The following TMC6 variants were observed in gnomAD, a reference collection of about 807,000 sequenced individuals.
TMC6 encodes transmembrane channel like 6.
Under a neutral mutation model 95.4 loss-of-function variants are expected in TMC6, and 71 were observed. The ratio of observed to expected loss-of-function variants is 0.74; its 90% CI spans 0.61 to 0.91. The LOEUF is 0.91. Among genes scored for constraint, TMC6 ranks in the 40% least tolerant of loss-of-function variants. The pLI, the probability that TMC6 is intolerant of heterozygous loss-of-function variation, is 0.00. For missense variants in TMC6, 1,074 were observed against 1,079.1 expected (o/e 1.00, Z 0.07); for synonymous variants, 514 against 483.1 (o/e 1.06, Z -0.84).
In TMC6 at chr17:78,120,549, C is replaced by G. The variant is rs1010803357; in HGVS notation, c.1715+104G>C. The G allele has an allele frequency of 3.3e-6, 5 of 1,526,348 alleles. No individual in the cohort carries two copies. In the African/African-American group the frequency reaches 6.8e-5, roughly 21 times the overall value. 94.6% of individuals were successfully genotyped at this position (1,526,348 alleles called of 1,614,324 possible). Reference sequence around the variant, plus strand: ...AGTCTTCCTCTGAAGGGTGGAGACACAGGGCCCTGATGGGAAAGGTCCAGG... The same window carrying G: ...AGTCTTCCTCTGAAGGGTGGAGACAGAGGGCCCTGATGGGAAAGGTCCAGG... On this transcript the variant is annotated intron_variant, in intron 13 of 19. Coordinates refer to ENST00000590602, the MANE Select transcript of TMC6 (RefSeq NM_001127198.5).
chr17:78,123,375 G>GTGGATGGGTGGA (rs1274027599), intron 9 of TMC6, among the ~76,000 whole-genome samples: 1 of 152,090 alleles, frequency 6.6e-6, no homozygotes, highest in East Asian at 1.9e-4. Flanking sequence ...AAATGTGTGG[G>GTGGATGGGTGGA]TGGATGGGTG....
At chr17:78,117,969 G>C in intron 15 of TMC6, 34 bp from the exon 16 acceptor site, 1 of 1,581,370 alleles carries the variant, frequency 6.3e-7, no homozygotes, top group Non-Finnish European at 8.6e-7. Flanking sequence ...CCACCATCCT[G>C]CTACCCCTCA....
chr17:78,123,997 C>G lies in TMC6; in HGVS notation c.1074G>C (p.Leu358=). ...GVSFFITCIT[L]VYSMAHSFGE... is the part of the protein sequence containing the mutation. Reference sequence around the variant, plus strand: ...TGAGGTGGAGGCATTACCTGTACACCAGGGTGATGCAGGTGATAAAGAAGC... The same window carrying G: ...TGAGGTGGAGGCATTACCTGTACACGAGGGTGATGCAGGTGATAAAGAAGC... The change falls in exon 9 of 20, where the codon CTG becomes CTC. Residue 358 remains leucine, a synonymous_variant. Coordinates refer to ENST00000590602, the MANE Select transcript of TMC6 (RefSeq NM_001127198.5). 1 of 1,613,760 alleles carries G rather than the reference C, an allele frequency of 6.2e-7. No homozygotes were observed.
chr17:78,109,877 A>C lies in TMC6; in HGVS notation c.*3271T>G, dbSNP rs2073790969. 2 of 287,822 alleles carry C rather than the reference A, an allele frequency of 6.9e-6. No individual in the cohort carries two copies. The highest frequency in any genetic ancestry group is 1.4e-5 in the Non-Finnish European group (2 of 145,878). 17.8% of individuals were successfully genotyped at this position (287,822 alleles called of 1,614,324 possible). On this transcript the variant is annotated 3_prime_UTR_variant, in exon 20 of 20. Transcript: ENST00000590602. The stretch of plus-strand genomic sequence containing the variant: ...AGGTCAGGAGTTCAAGACCAGCCTG[A>C]GCAACATGGAGAAACCCTGTCTCTA...
chr17:78,121,551 C>T lies in TMC6; in HGVS notation c.1383+5G>A, dbSNP rs1187013001. 6.2e-6 allele frequency: 10 copies of T among 1,610,988 alleles called. No homozygotes were observed. The highest frequency in any genetic ancestry group is 1.1e-5 in the South Asian group (1 of 91,002). On this transcript the variant is annotated splice_donor_5th_base_variant and intron_variant, in intron 11 of 19. Transcript: ENST00000590602. This position sits in a 1 kb window ranked among gnomAD's most constrained non-coding sequence, Gnocchi z 5.6. ...GCAAGGGCCAGGCTCCCCCCATCCC[C>T]GCACCTGGATCATGAACTCCGAGAA...
Position 78,126,889 on chromosome 17 carries a change from C to T in TMC6, c.-57G>A, listed in dbSNP as rs2074747358. The T allele has an allele frequency of 1.3e-6, 2 of 1,589,706 alleles. No homozygotes were observed. Among genetic ancestry groups the T allele is most frequent in the East Asian group, 2.3e-5 (1 of 43,662 alleles). The stretch of plus-strand genomic sequence containing the variant: ...CTAGGGTAGCTCAGAGCCTGGGCGC[C>T]ACCTCCGGAGCCCCCATCTGATGAG... On this transcript the variant is annotated 5_prime_UTR_variant, in exon 2 of 20. Coordinates refer to ENST00000590602, the MANE Select transcript of TMC6 (RefSeq NM_001127198.5).
Position 78,121,431 on chromosome 17 carries a change from C to T in TMC6, c.1383+125G>A, listed in dbSNP as rs973883934. Reference sequence around the variant, plus strand: ...GAGGGGGCCCCAGCACGGGGCACAGCGTACGTGGCACCCTGGGCTGGCTGG... The same window carrying T: ...GAGGGGGCCCCAGCACGGGGCACAGTGTACGTGGCACCCTGGGCTGGCTGG... On this transcript the variant is annotated intron_variant, in intron 11 of 19. Coordinates refer to ENST00000590602, the MANE Select transcript of TMC6 (RefSeq NM_001127198.5). The surrounding 1 kb of genome is among the most constrained non-coding windows in gnomAD (Gnocchi z 5.6). 8.0e-6 allele frequency: 12 copies of T among 1,507,458 alleles called. No individual in the cohort carries two copies. Among genetic ancestry groups the T allele is most frequent in the Admixed American group, 5.8e-5 (3 of 52,056 alleles). The allele number at this position is 1,507,458 out of a possible 1,614,324, so 93.4% of individuals were successfully genotyped here. A position where few individuals can be genotyped will look rare whatever the true frequency, so the allele number is the denominator to read the frequency against.
intron 19 of TMC6, among the ~76,000 whole-genome samples, 159 bp from the exon 20 acceptor site, chr17:78,113,370 G>A (rs1275364712): frequency 6.6e-6 from 1 of 152,228 alleles, no homozygotes; most frequent in Non-Finnish European, 1.5e-5. Flanking sequence ...AGGCTCCGGA[G>A]GCCAGAGAAG....
At chr17:78,126,929 CCAGGGGTGGTCTT>C (rs1436644289) in intron 1 of TMC6, 23 bp from the exon 2 acceptor site, 2 of 1,436,658 alleles carry the variant, frequency 1.4e-6, no homozygotes, top group African/African-American at 2.8e-5. Context: ...GGGCACAGAG[CCAGGGGTGGTCTT>C]CAACGCCTGG....
At chr17:78,120,261 G>A (rs2074345808) in intron 13 of TMC6, 1 of 364,900 alleles carries the variant, frequency 2.7e-6, no homozygotes, top group East Asian at 7.3e-5. Flanking sequence ...CCAGGTTCAA[G>A]CGATTCTCAT....
chr17:78,116,276 C>CTTTTTT (rs34774395), intron 18 of TMC6, among the ~76,000 whole-genome samples: 1 of 125,456 alleles, frequency 8.0e-6, no homozygotes. Context: ...CATGCCCAGG[C>CTTTTTT]TTTTTTTTTT....
chr17:78,123,460 T>A (rs2074516694), intron 9 of TMC6, among the ~76,000 whole-genome samples: 1 of 150,726 alleles, frequency 6.6e-6, no homozygotes. Context: ...GATGGATGCG[T>A]GGATGAATGA....
chr17:78,128,387 G>A lies in TMC6; in HGVS notation c.-75+225C>T, dbSNP rs1042100918. 1.3e-5 allele frequency among the ~76,000 whole-genome samples: 2 copies of A among 152,050 alleles called. No individual in the cohort carries two copies. The highest frequency in any genetic ancestry group is 4.8e-5 in the African/African-American group (2 of 41,412). On this transcript the variant is annotated intron_variant, in intron 1 of 19. Coordinates refer to ENST00000590602, the MANE Select transcript of TMC6 (RefSeq NM_001127198.5). The surrounding 1 kb of genome is among the most constrained non-coding windows in gnomAD (Gnocchi z 4.0). ...CGCTCGGCTGGGGGACCTGGGTGGG[G>A]GCTGCGGATTTTGCTCCCCGCACTG...
intron 7 of TMC6, 33 bp downstream of exon 7, chr17:78,124,856 G>A (rs537261506): frequency 6.9e-6 from 11 of 1,583,232 alleles, no homozygotes; most frequent in South Asian, 2.3e-5. Context: ...CTGCCCAGCC[G>A]CCCCAGCCCC....
rs1170458199 is a variant in TMC6, at chr17:78,117,275, G to C, written c.2271C>G (p.Ile757Met). ...GCCCAGGAGGGGCACTCACATTGCT[G>C]ATCTGCTCCTTGAGCAGGCAGATGA... ...RKVICLLKEQ[I>M]SNEGEDKIFL... is the part of the protein sequence containing the mutation. Residue 757 changes from isoleucine (I) to methionine (M), a missense_variant, in exon 18 of 20, where the codon ATC becomes ATG. Transcript: ENST00000590602. 1 of 1,613,508 alleles carries C rather than the reference G, an allele frequency of 6.2e-7. No individual in the cohort carries two copies. The highest frequency in any genetic ancestry group is 1.7e-5 in the Admixed American group (1 of 60,024).
chr17:78,118,828 C>G, intron 15 of TMC6, 143 bp downstream of exon 15: 1 of 880,872 alleles, frequency 1.1e-6, no homozygotes, highest in Non-Finnish European at 1.8e-6. Context: ...GGCGGAGGGA[C>G]AGGCCAGGGC....
At position 78,113,783 on chromosome 17, in the gene TMC6, A is replaced by G. The variant is rs571168864; in HGVS notation, c.2278-159T>C. On this transcript the variant is annotated intron_variant, in intron 18 of 19. Coordinates refer to ENST00000590602, the MANE Select transcript of TMC6 (RefSeq NM_001127198.5). ...AAGGTGAAAGGGCCACCAAACAAGG[A>G]CAAGGAAAAACCAAGAGCCAGGAAG... The G allele has an allele frequency of 7.0e-5, 52 of 742,806 alleles. 1 individual carries two copies. The highest frequency in any genetic ancestry group is 3.7e-4 in the South Asian group (25 of 66,872). 46.0% of individuals were successfully genotyped at this position (742,806 alleles called of 1,614,324 possible).
In TMC6 at chr17:78,124,759, G is replaced by A. The variant is rs763931900; in HGVS notation, c.656C>T (p.Ala219Val). ...CVLALHSLGL[A>V]LLSALQALMP... is the part of the protein sequence containing the mutation. Reference sequence around the variant, plus strand: ...CAGGGCCTGCAGGGCGGAGAGCAGCGCCAGGCCCAGGCTGTGCAAGGCCTG... The same window carrying A: ...CAGGGCCTGCAGGGCGGAGAGCAGCACCAGGCCCAGGCTGTGCAAGGCCTG... The change falls in exon 8 of 20, where the codon GCG becomes GTG. Residue 219 changes from alanine (A) to valine (V), a missense_variant. Coordinates refer to ENST00000590602, the MANE Select transcript of TMC6 (RefSeq NM_001127198.5). The A allele has an allele frequency of 1.1e-5, 18 of 1,582,990 alleles. No homozygotes were observed. The highest frequency in any genetic ancestry group is 1.7e-4 in the Middle Eastern group (1 of 5,778).
rs757906231 is a variant in TMC6 at position 78,120,644 on chromosome 17, C to A, written c.1715+9G>T. ...CACTCACCACCCAGTCCGCCCAGGACCCCCTCACCTCCACACCAGTTCCCC... is the reference window on the plus strand; with the variant it reads ...CACTCACCACCCAGTCCGCCCAGGAACCCCTCACCTCCACACCAGTTCCCC... On this transcript the variant is annotated intron_variant, in intron 13 of 19. Transcript: ENST00000590602. 4.3e-6 allele frequency: 7 copies of A among 1,613,830 alleles called. No homozygotes were observed. Among genetic ancestry groups the A allele is most frequent in the Non-Finnish European group, 5.9e-6 (7 of 1,179,962 alleles).
Sources: allele counts gnomAD v4.1 joint callset (sites outside exome capture counted in the v4.1 genomes callset), GRCh38; gene constraint gnomAD v4.1.1; non-coding constraint Gnocchi (gnomAD v3.1); transcripts MANE v1.5; gene names NCBI Gene and HGNC (gene_info 2026-07-23, HGNC 2026-07-21).